CDK13: variants seen among roughly 807,000 people sequenced by gnomAD.
CDK13 encodes the protein cyclin dependent kinase 13.
A neutral mutation model predicts 137.6 loss-of-function variants in CDK13; 40 were observed. The observed-to-expected ratio is 0.29, with a 90% CI of 0.23 to 0.38. The LOEUF (loss-of-function observed/expected upper bound fraction) is 0.38. Ranked by LOEUF, CDK13 falls within the 10% of genes least tolerant of loss-of-function variation. The probability of loss-of-function intolerance (pLI) is 1.00; values close to 1 mark genes in which losing one functional copy is unlikely to be tolerated. For missense variants in CDK13, 1,704 were observed against 1,951.8 expected (o/e 0.87, Z 2.39); for synonymous variants, 869 against 760.1 (o/e 1.14, Z -2.36).
chr7:39,974,556 C>CTTTTTT (rs59844316), intron 1 of CDK13, among the ~76,000 whole-genome samples: 11 of 132,970 alleles, frequency 8.3e-5, no homozygotes, highest in African/African-American at 1.4e-4. Context: ...TTCTTTTTTT[C>CTTTTTT]TTTTTTTTTT....
intron 5 of CDK13, among the ~76,000 whole-genome samples, chr7:40,014,626 T>C (rs2116376557): frequency 6.6e-6 from 1 of 152,098 alleles, no homozygotes; most frequent in East Asian, 1.9e-4. Context: ...GGCTCATTTT[T>C]GTAATTTTTT....
intron 12 of CDK13, among the ~76,000 whole-genome samples, chr7:40,091,591 T>C (rs1296895793): frequency 6.6e-6 from 1 of 151,970 alleles, no homozygotes; most frequent in Non-Finnish European, 1.5e-5. Context: ...CCGTCATCAG[T>C]AAGTATGCTG....
intron 7 of CDK13, among the ~76,000 whole-genome samples, chr7:40,055,499 C>G (rs770294947): frequency 1.6e-4 from 24 of 151,324 alleles, no homozygotes; most frequent in Middle Eastern, 7.0e-3. Context: ...TAAACAAGAT[C>G]ATCTCTACGA....
chr7:40,071,752 C>T lies in CDK13; in HGVS notation c.2781-6253C>T, dbSNP rs556340998. On this transcript the variant is annotated intron_variant, in intron 9 of 13. Transcript: ENST00000181839. ...TTCAGTATTTTGAAACTGTTAAGCT[C>T]ACGGTGGAGGATATAAGTTTTCTAA... The T allele has an allele frequency of 1.1e-4, 17 of 152,292 alleles. No homozygotes were observed. The East Asian group carries it at 2.7e-3, about 24-fold the overall frequency. 9.4% of individuals were successfully genotyped at this position (152,292 alleles called of 1,614,324 possible).
rs72210233 is a variant in CDK13, at chr7:39,996,961, C to CAAAAAAAAA, written c.1872-526_1872-518dup. ...CTTGGGTGACAGTGAGATTCCATCT[C>CAAAAAAAAA]AAAAAAAAAAAAAAAGAAAAAAAAA... On this transcript the variant is annotated intron_variant, in intron 2 of 13. Transcript: ENST00000181839. Among the ~76,000 whole-genome samples, 204 of 83,126 alleles carry CAAAAAAAAA rather than the reference C, an allele frequency of 2.5e-3. 5 individuals carry two copies. Among genetic ancestry groups the CAAAAAAAAA allele is most frequent in the African/African-American group, 4.3e-3 (54 of 12,694 alleles). 54.5% of individuals were successfully genotyped at this position (83,126 alleles called of 152,430 possible).
chr7:39,951,841 C>T lies in CDK13; in HGVS notation c.1200C>T (p.Ser400=), dbSNP rs2116074030. 1 of 1,417,396 alleles carries T rather than the reference C, an allele frequency of 7.1e-7. No homozygotes were observed. Among genetic ancestry groups the T allele is most frequent in the African/African-American group, 1.5e-5 (1 of 67,562 alleles). 87.8% of individuals were successfully genotyped at this position (1,417,396 alleles called of 1,614,324 possible). A position where few individuals can be genotyped will look rare whatever the true frequency, so the allele number is the denominator to read the frequency against. The change falls in exon 1 of 14, where the codon AGC becomes AGT. Residue 400 remains serine (S), a synonymous_variant. Transcript: ENST00000181839. ...SSWRRSRSPY[S]PVLRRSGKSR... ...GGCGCCGCTCTCGCAGTCCCTACAG[C>T]CCTGTGCTCAGGTGAGTTCTGCCGT...
intron 5 of CDK13, among the ~76,000 whole-genome samples, chr7:40,028,407 A>G (rs1279053701): frequency 1.3e-5 from 2 of 151,684 alleles, no homozygotes; most frequent in Non-Finnish European, 2.9e-5. Context: ...TTTAGTAGAG[A>G]CGAGGTTTCA....
chr7:40,073,997 G>C (rs1388924938), intron 9 of CDK13, among the ~76,000 whole-genome samples: 1 of 150,962 alleles, frequency 6.6e-6, no homozygotes, highest in African/African-American at 2.4e-5. Flanking sequence ...CCACCTCCCA[G>C]GTTCAAGTGA....
Position 40,049,553 on chromosome 7 carries a change from T to C in CDK13, c.2600+1676T>C, listed in dbSNP as rs1162737269. Among the ~76,000 whole-genome samples, 6 of 152,342 alleles carry C rather than the reference T, an allele frequency of 3.9e-5. No homozygotes were observed. The East Asian group carries it at 1.2e-3, about 29-fold the overall frequency. ...ATGTATACATTGTGAAATGGCTACA[T>C]TGAGCTAATTACTATGCATTACCCC... On this transcript the variant is annotated intron_variant, in intron 7 of 13. Transcript: ENST00000181839.
chr7:40,017,988 C>G (rs1215800585), intron 5 of CDK13, among the ~76,000 whole-genome samples: 1 of 150,588 alleles, frequency 6.6e-6, no homozygotes, highest in Non-Finnish European at 1.5e-5. Flanking sequence ...TTTTGTATGT[C>G]CTGCCACCAT....
chr7:40,021,636 A>C (rs1384574525), intron 5 of CDK13, among the ~76,000 whole-genome samples: 2 of 152,210 alleles, frequency 1.3e-5, no homozygotes, highest in Non-Finnish European at 2.9e-5. Context: ...CAAATCTAAA[A>C]AAGTAGTGTT....
At chr7:39,977,407 T>C (rs17537775) in intron 1 of CDK13, among the ~76,000 whole-genome samples, 6,065 of 152,302 alleles carry the variant, frequency 0.04, 358 homozygotes, top group African/African-American at 0.13. Flanking sequence ...GGCTTGAGGA[T>C]AGAATATCTC....
At chr7:40,046,636 G>C (rs1200223237) in intron 6 of CDK13, among the ~76,000 whole-genome samples, 1 of 152,008 alleles carries the variant, frequency 6.6e-6, no homozygotes, top group African/African-American at 2.4e-5. Context: ...GACACAGCGA[G>C]ACTCTGGCTC....
chr7:40,023,305 T>C (rs1228591000), intron 5 of CDK13, among the ~76,000 whole-genome samples: 1 of 152,040 alleles, frequency 6.6e-6, no homozygotes, highest in Non-Finnish European at 1.5e-5. Context: ...CCTCAAGTGA[T>C]TTGCCCACCT....
At chr7:40,028,039 G>T (rs1785283288) in intron 5 of CDK13, among the ~76,000 whole-genome samples, 1 of 150,788 alleles carries the variant, frequency 6.6e-6, no homozygotes, top group Non-Finnish European at 1.5e-5. Context: ...TGTACATTGG[G>T]TTTTCTGTCA....
chr7:40,019,702 G>T (rs1371417679), intron 5 of CDK13, among the ~76,000 whole-genome samples: 1 of 152,178 alleles, frequency 6.6e-6, no homozygotes, highest in Non-Finnish European at 1.5e-5. Context: ...GCCTAGCCAA[G>T]TTGGCACATG....
rs1787060619 is a variant in CDK13 at position 40,096,984 on chromosome 7, AGAC to A, written c.*2005_*2007del. On this transcript the variant is annotated 3_prime_UTR_variant, in exon 14 of 14. Transcript: ENST00000181839. ...TTAATATGGTGAGTCTTAGAGCTTT[AGAC>A]TTTCCTATAAGTGACAGTATCTAAG... 2 of 152,174 alleles carry A rather than the reference AGAC, an allele frequency of 1.3e-5. No individual in the cohort carries two copies. Among genetic ancestry groups the A allele is most frequent in the Admixed American group, 6.5e-5 (1 of 15,272 alleles). 9.4% of individuals were successfully genotyped at this position (152,174 alleles called of 1,614,324 possible). A position where few individuals can be genotyped will look rare whatever the true frequency, so the allele number is the denominator to read the frequency against.
chr7:40,078,960 AAATAT>A (rs1236670088), intron 11 of CDK13, 109 bp downstream of exon 11: 3 of 334,674 alleles, frequency 9.0e-6, no homozygotes, highest in Non-Finnish European at 1.4e-5. Flanking sequence ...GTTATGAGAA[AAATAT>A]AATAAAGGAA....
intron 5 of CDK13, among the ~76,000 whole-genome samples, chr7:40,026,699 A>G (rs1475428584): frequency 1.3e-5 from 2 of 152,214 alleles, no homozygotes; most frequent in Non-Finnish European, 2.9e-5. Context: ...CAGATGGTAG[A>G]TTAAGCAGAT....
Sources: gnomAD v4.1 joint callset for allele counts (sites outside exome capture counted in the v4.1 genomes callset) on GRCh38, gnomAD v4.1.1 for gene constraint, MANE v1.5 for transcripts, NCBI Gene and HGNC (gene_info 2026-07-23, HGNC 2026-07-21) for gene names.